GOSR2: variants seen among roughly 807,000 people sequenced by gnomAD.
The protein encoded by GOSR2 is golgi SNAP receptor complex member 2.
Under a neutral mutation model 27.9 loss-of-function variants are expected in GOSR2, and 20 were observed. The observed-to-expected ratio is 0.72, with a 90% CI of 0.50 to 1.04. The LOEUF is 1.04. Among genes scored for constraint, GOSR2 ranks in the 50% least tolerant of loss-of-function variants. The probability of loss-of-function intolerance (pLI) is 0.00; values close to 1 mark genes in which losing one functional copy is unlikely to be tolerated. For synonymous variants in GOSR2, 91 were observed against 98.8 expected, an observed-to-expected ratio of 0.92 and a Z score of 0.47; for missense variants, 261 against 270.5, an observed-to-expected ratio of 0.97 and a Z score of 0.25.
rs184158727 is a variant in GOSR2, at chr17:46,930,900, T to G, written c.95-199T>G. On this transcript the variant is annotated intron_variant, in intron 2 of 5. Transcript: ENST00000640051. Reference sequence around the variant, plus strand: ...GGCATTGTTATGTCATTAACAGCTATATACATGTACTTTTTTCAAAACAAC... The same window carrying G: ...GGCATTGTTATGTCATTAACAGCTAGATACATGTACTTTTTTCAAAACAAC... 16 of 594,808 alleles carry G rather than the reference T, an allele frequency of 2.7e-5. No homozygotes were observed. The East Asian group carries it at 2.9e-4, about 11-fold the overall frequency. The allele number at this position is 594,808 out of a possible 1,614,324, so 36.8% of individuals were successfully genotyped here.
intron 5 of GOSR2, chr17:46,936,636 A>C: frequency 1.0e-6 from 1 of 985,348 alleles, no homozygotes; most frequent in Non-Finnish European, 1.2e-6. Flanking sequence ...TGTGGCTGAA[A>C]ATGAATACAT....
In GOSR2 at chr17:46,941,885, C is replaced by T; in HGVS notation, c.*3125C>T. The T allele has an allele frequency of 1.0e-6, 1 of 979,728 alleles. No homozygotes were observed. Among genetic ancestry groups the T allele is most frequent in the Non-Finnish European group, 1.2e-6 (1 of 824,804 alleles). 60.7% of individuals were successfully genotyped at this position (979,728 alleles called of 1,614,324 possible). ...ACAGGTGTTAGCCACTGTACCTGGC[C>T]TCTAAGGTGATTCTGATGTGTGTAT... On this transcript the variant is annotated 3_prime_UTR_variant, in exon 6 of 6. Coordinates refer to ENST00000640051, the MANE Select transcript of GOSR2 (RefSeq NM_004287.5).
chr17:46,960,347 C>T (rs2090981328), intron 6 of GOSR2, among the ~76,000 whole-genome samples: 1 of 152,160 alleles, frequency 6.6e-6, no homozygotes, highest in Admixed American at 6.5e-5. Flanking sequence ...CAAAATCTGA[C>T]AATATCAAGT....
chr17:46,958,869 G>A (rs2090893576), intron 6 of GOSR2, among the ~76,000 whole-genome samples: 1 of 152,222 alleles, frequency 6.6e-6, no homozygotes, highest in Admixed American at 6.5e-5. Flanking sequence ...CAGACTTGCT[G>A]TGTGGCCCCT....
intron 5 of GOSR2, chr17:46,936,914 G>T: frequency 5.0e-6 from 3 of 598,524 alleles, no homozygotes; most frequent in Non-Finnish European, 6.3e-6. Flanking sequence ...GATGCCTAAT[G>T]TTGATCTCAC....
At chr17:46,958,794 C>T (rs943162105) in intron 6 of GOSR2, among the ~76,000 whole-genome samples, 1 of 152,200 alleles carries the variant, frequency 6.6e-6, no homozygotes, top group Non-Finnish European at 1.5e-5. Flanking sequence ...TGAGTCCAGT[C>T]CATAGAAAGC....
Position 46,939,342 on chromosome 17 carries a change from C to A in GOSR2, c.*582C>A. 9.9e-7 allele frequency: 1 copy of A among 1,009,664 alleles called. No individual in the cohort carries two copies. The allele number at this position is 1,009,664 out of a possible 1,614,324, so 62.5% of individuals were successfully genotyped here. A position where few individuals can be genotyped will look rare whatever the true frequency, so the allele number is the denominator to read the frequency against. On this transcript the variant is annotated 3_prime_UTR_variant, in exon 6 of 6. Transcript: ENST00000640051. Reference sequence around the variant, plus strand: ...CCTGGAAGCAGCTACCTAGGGGAAACAAGATGTAGTGCTATTGCCGATAAC... The same window carrying A: ...CCTGGAAGCAGCTACCTAGGGGAAAAAAGATGTAGTGCTATTGCCGATAAC...
chr17:46,944,425 G>A (rs376860058), downstream of GOSR2, among the ~76,000 whole-genome samples: 9 of 152,192 alleles, frequency 5.9e-5, 1 homozygote, highest in South Asian at 1.9e-3. Flanking sequence ...TTCTGGGGTG[G>A]ACATGAGGCC....
downstream of GOSR2, among the ~76,000 whole-genome samples, chr17:46,944,277 C>T (rs563080680): frequency 1.3e-4 from 20 of 152,356 alleles, no homozygotes; most frequent in East Asian, 1.9e-3. Context: ...TTACAGCGGC[C>T]GGAGGCTGTG....
At chr17:46,925,587 A>G (rs950066935) in intron 1 of GOSR2, among the ~76,000 whole-genome samples, 1 of 152,228 alleles carries the variant, frequency 6.6e-6, no homozygotes, top group African/African-American at 2.4e-5. Context: ...CAGTTCCATG[A>G]TAACAGAACT....
exon 7 of GOSR2, chr17:46,966,847 GC>G (rs1365481191): frequency 7.2e-6 from 3 of 413,966 alleles, no homozygotes; most frequent in Non-Finnish European, 1.3e-5. Flanking sequence ...ACCATTCCTG[GC>G]ATGTGAAGAG....
intron 4 of GOSR2, 124 bp downstream of exon 4, chr17:46,932,323 G>A: frequency 9.3e-7 from 1 of 1,078,818 alleles, no homozygotes; most frequent in Middle Eastern, 2.0e-4. Flanking sequence ...GAAACCAACT[G>A]GAAATGACAG....
downstream of GOSR2, among the ~76,000 whole-genome samples, chr17:46,946,791 A>C (rs980765843): frequency 1.3e-5 from 2 of 152,238 alleles, no homozygotes; most frequent in Admixed American, 6.5e-5. Context: ...TGAACCCAGG[A>C]GGCAGAGGTT....
At position 46,940,256 on chromosome 17, in the gene GOSR2, T is replaced by C; in HGVS notation, c.*1496T>C. 7.0e-7 allele frequency: 1 copy of C among 1,424,922 alleles called. No homozygotes were observed. The highest frequency in any genetic ancestry group is 1.6e-5 in the South Asian group (1 of 64,458). 88.3% of individuals were successfully genotyped at this position (1,424,922 alleles called of 1,614,324 possible). Reference sequence around the variant, plus strand: ...CTGGATGCTAATTTCACACTTTCGGTTGGAGGAGATCTCCATTGTTCCTAC... The same window carrying C: ...CTGGATGCTAATTTCACACTTTCGGCTGGAGGAGATCTCCATTGTTCCTAC... On this transcript the variant is annotated 3_prime_UTR_variant, in exon 6 of 6. Transcript: ENST00000640051.
At chr17:46,975,727 C>T (rs1206445660), downstream of GOSR2, among the ~76,000 whole-genome samples, 1 of 152,148 alleles carries the variant, frequency 6.6e-6, no homozygotes, top group Non-Finnish European at 1.5e-5. Flanking sequence ...GACTTGTACA[C>T]CACAGGGGAC....
At chr17:46,946,261 C>A (rs1351680207), downstream of GOSR2, among the ~76,000 whole-genome samples, 2 of 143,604 alleles carry the variant, frequency 1.4e-5, no homozygotes, top group African/African-American at 5.2e-5. Context: ...CATGGAGAAA[C>A]CCTGTCTCTA....
Position 46,940,274 on chromosome 17 carries a change from G to C in GOSR2, c.*1514G>C. 1 of 1,433,226 alleles carries C rather than the reference G, an allele frequency of 7.0e-7. No individual in the cohort carries two copies. 88.8% of individuals were successfully genotyped at this position (1,433,226 alleles called of 1,614,324 possible). On this transcript the variant is annotated 3_prime_UTR_variant, in exon 6 of 6. Transcript: ENST00000640051. ...CTTTCGGTTGGAGGAGATCTCCATT[G>C]TTCCTACCCCTCCGGGCCAAATGGG...
At chr17:46,944,119 C>T (rs1000011317), downstream of GOSR2, among the ~76,000 whole-genome samples, 4 of 152,210 alleles carry the variant, frequency 2.6e-5, no homozygotes, top group African/African-American at 9.7e-5. Context: ...TTCCAACCTC[C>T]TCAGAAGACA....
At chr17:46,932,230 G>A in intron 4 of GOSR2, 31 bp downstream of exon 4, 1 of 1,613,182 alleles carries the variant, frequency 6.2e-7, no homozygotes, top group Non-Finnish European at 8.5e-7. Context: ...GGGTCGGCCT[G>A]CACTTGACAG....
Sources: gnomAD v4.1 joint callset for allele counts (sites outside exome capture counted in the v4.1 genomes callset) on GRCh38, gnomAD v4.1.1 for gene constraint, MANE v1.5 for transcripts, NCBI Gene and HGNC (gene_info 2026-07-23, HGNC 2026-07-21) for gene names.